The following CFAP54 variants were observed in gnomAD, a reference collection of about 807,000 sequenced individuals.
CFAP54 encodes cilia and flagella associated protein 54.
A neutral mutation model predicts 370.4 loss-of-function variants in CFAP54; 290 were observed. The observed-to-expected ratio is 0.78, with a 90% CI of 0.71 to 0.86. CFAP54 has a LOEUF of 0.86. Ranked by LOEUF, CFAP54 falls within the 40% of genes least tolerant of loss-of-function variation. The probability of loss-of-function intolerance (pLI) is 0.00; values close to 1 mark genes in which losing one functional copy is unlikely to be tolerated. For missense variants in CFAP54, 3,399 were observed against 3,528.7 expected, an observed-to-expected ratio of 0.96 and a Z score of 0.93; for synonymous variants, 1,206 against 1,236.5, an observed-to-expected ratio of 0.98 and a Z score of 0.52.
chr12:96,589,759 T>C (rs1956107664), intron 23 of CFAP54, among the ~76,000 whole-genome samples, 196 bp downstream of exon 23: 1 of 151,970 alleles, frequency 6.6e-6, no homozygotes, highest in Non-Finnish European at 1.5e-5. Context: ...TCTTTCTTTC[T>C]TTTTTTTAAT....
intron 23 of CFAP54, among the ~76,000 whole-genome samples, chr12:96,591,329 A>G (rs890164679): frequency 6.6e-6 from 1 of 152,132 alleles, no homozygotes; most frequent in African/African-American, 2.4e-5. Flanking sequence ...GCCGGAAATC[A>G]TTTTGCAATT....
In CFAP54 at chr12:96,740,779, A is replaced by G. The variant is rs562845505; in HGVS notation, c.7071+718A>G. Among the ~76,000 whole-genome samples, 87 of 152,300 alleles carry G rather than the reference A, an allele frequency of 5.7e-4. No individual in the cohort carries two copies. The Middle Eastern group carries it at 0.01, about 18-fold the overall frequency. On this transcript the variant is annotated intron_variant, in intron 51 of 67. Coordinates refer to ENST00000524981, the MANE Select transcript of CFAP54 (RefSeq NM_001306084.2). ...AATTGACTTAGAATAATGATTGTCA[A>G]TTGGGGGTGATTTTGCCTCCCGGGG...
Position 96,554,199 on chromosome 12 carries a change from G to A in CFAP54, c.2172G>A (p.Gln724=). ...LPILQKNPVE[Q]LLFAYKLLDR... ...TATTTTAGAAAAATCCTGTGGAACA[G>A]TTACTTTTTGCTTATAAACTTCTTG... The change falls in exon 16 of 68, where the codon CAG becomes CAA. Residue 724 remains glutamine (Q), a synonymous_variant. Coordinates refer to ENST00000524981, the MANE Select transcript of CFAP54 (RefSeq NM_001306084.2). 2 of 1,510,134 alleles carry A rather than the reference G, an allele frequency of 1.3e-6. No homozygotes were observed. The highest frequency in any genetic ancestry group is 1.8e-6 in the Non-Finnish European group (2 of 1,136,334). The allele number at this position is 1,510,134 out of a possible 1,614,324, so 93.5% of individuals were successfully genotyped here.
intron 17 of CFAP54, among the ~76,000 whole-genome samples, chr12:96,558,857 C>T (rs1955784433): frequency 6.6e-6 from 1 of 152,110 alleles, no homozygotes; most frequent in African/African-American, 2.4e-5. Context: ...GAACAGGCAA[C>T]CAGAGCAAAA....
Position 96,685,016 on chromosome 12 carries a change from G to T in CFAP54, c.5805-13G>T, listed in dbSNP as rs921448204. 2.5e-6 allele frequency: 4 copies of T among 1,612,376 alleles called. No homozygotes were observed. The highest frequency in any genetic ancestry group is 2.7e-5 in the African/African-American group (2 of 74,870). ...CAGAAAACTTACTGCTTGATGCTTT[G>T]TCTCTGTTTTAGGGCTGCTTTTAAG... On this transcript the variant is annotated splice_polypyrimidine_tract_variant and intron_variant, in intron 41 of 67. Coordinates refer to ENST00000524981, the MANE Select transcript of CFAP54 (RefSeq NM_001306084.2).
At chr12:96,537,038 G>A (rs528835713) in intron 12 of CFAP54, among the ~76,000 whole-genome samples, 29 of 152,068 alleles carry the variant, frequency 1.9e-4, no homozygotes, top group Middle Eastern at 6.8e-3. Context: ...GATATCTGTC[G>A]TATTCCCAAA....
At chr12:96,574,115 T>C (rs1014622744) in intron 19 of CFAP54, among the ~76,000 whole-genome samples, 1 of 152,210 alleles carries the variant, frequency 6.6e-6, no homozygotes, top group Non-Finnish European at 1.5e-5. Context: ...GTTATAGTTT[T>C]ATAATCTCTG....
chr12:96,635,482 G>C (rs1956654270), intron 32 of CFAP54, among the ~76,000 whole-genome samples: 1 of 152,160 alleles, frequency 6.6e-6, no homozygotes, highest in Non-Finnish European at 1.5e-5. Flanking sequence ...CAATTCTCCA[G>C]CACCAGCGGG....
chr12:96,809,181 T>C (rs1436712940), intron 63 of CFAP54, among the ~76,000 whole-genome samples: 2 of 152,180 alleles, frequency 1.3e-5, no homozygotes, highest in South Asian at 4.1e-4. Flanking sequence ...TTTCATCTGT[T>C]GTGCTGGATA....
intron 19 of CFAP54, chr12:96,573,169 G>A (rs1955941151): frequency 2.2e-6 from 1 of 448,810 alleles, no homozygotes; most frequent in Non-Finnish European, 2.9e-6. Flanking sequence ...GGAAGTGGGG[G>A]CATTGGTCTC....
At chr12:96,705,967 C>T (rs1340025931) in intron 47 of CFAP54, among the ~76,000 whole-genome samples, 12 of 151,748 alleles carry the variant, frequency 7.9e-5, no homozygotes, top group Admixed American at 7.9e-4. Flanking sequence ...TTACGTAAGG[C>T]AAATAGTTTC....
At chr12:96,625,473 CTT>C (rs1447587676) in intron 28 of CFAP54, among the ~76,000 whole-genome samples, 1 of 152,118 alleles carries the variant, frequency 6.6e-6, no homozygotes, top group Admixed American at 6.5e-5. Flanking sequence ...CTTGGAAACT[CTT>C]TACCTATTTG....
intron 26 of CFAP54, among the ~76,000 whole-genome samples, chr12:96,615,506 A>T (rs1407668568): frequency 6.6e-6 from 1 of 152,194 alleles, no homozygotes; most frequent in African/African-American, 2.4e-5. Context: ...GCCAAAATTG[A>T]CAAATGGGAT....
intron 65 of CFAP54, among the ~76,000 whole-genome samples, chr12:96,828,051 T>G (rs940936006): frequency 7.8e-6 from 1 of 128,278 alleles, no homozygotes; most frequent in Admixed American, 1.0e-4. Context: ...AATTATATAT[T>G]AATATATTAT....
chr12:96,539,079 T>G (rs1368052751), intron 13 of CFAP54, among the ~76,000 whole-genome samples: 7 of 136,540 alleles, frequency 5.1e-5, no homozygotes, highest in African/African-American at 2.0e-4. Context: ...TTTTTTTTTG[T>G]TTTTGTTTTT....
At chr12:96,871,557 A>G (rs535054174) in intron 67 of CFAP54, among the ~76,000 whole-genome samples, 7 of 152,256 alleles carry the variant, frequency 4.6e-5, no homozygotes, top group African/African-American at 1.7e-4. Context: ...ACAATCTAGG[A>G]AAAAAACAGT....
At position 96,592,570 on chromosome 12, in the gene CFAP54, T is replaced by C; in HGVS notation, c.3293T>C (p.Ile1098Thr). 1 of 1,238,752 alleles carries C rather than the reference T, an allele frequency of 8.1e-7. No homozygotes were observed. The highest frequency in any genetic ancestry group is 1.1e-6 in the Non-Finnish European group (1 of 918,508). The allele number at this position is 1,238,752 out of a possible 1,614,324, so 76.7% of individuals were successfully genotyped here. A position where few individuals can be genotyped will look rare whatever the true frequency, so the allele number is the denominator to read the frequency against. The stretch of plus-strand genomic sequence containing the variant: ...AGAAATATTTTTGTAACAAGTGACA[T>C]CAAAATTAAAGAAGAAAATCTTTTC... ...FLRNIFVTSD[I>T]KIKEENLFCD... Residue 1098 changes from isoleucine (I) to threonine (T), a missense_variant, in exon 24 of 68, where the codon ATC (isoleucine) becomes ACC (threonine). Physicochemically the swap from Ile to Thr is moderately conservative, Grantham distance 89 (BLOSUM62 -1). Transcript: ENST00000524981.
rs1034333272 is a variant in CFAP54 at position 96,554,236 on chromosome 12, G to A, written c.2209G>A (p.Gly737Ser). The A allele has an allele frequency of 1.3e-5, 20 of 1,526,910 alleles. No homozygotes were observed. Among genetic ancestry groups the A allele is most frequent in the African/African-American group, 9.6e-5 (7 of 72,600 alleles). 94.6% of individuals were successfully genotyped at this position (1,526,910 alleles called of 1,614,324 possible). Reference sequence around the variant, plus strand: ...TTATAAACTTCTTGACAGAGCAATCGGTGGAATAAATTTGAATTGCATGTT... The same window carrying A: ...TTATAAACTTCTTGACAGAGCAATCAGTGGAATAAATTTGAATTGCATGTT... ...FAYKLLDRAI[G>S]GINLNCMLTS... The change falls in exon 16 of 68, where the codon GGT (glycine) becomes AGT (serine). Residue 737 changes from glycine to serine, a missense_variant. This residue lies in a region of CFAP54 where 2,796 missense variants were observed against 2,869.7 expected (regional missense o/e 0.97). Coordinates refer to ENST00000524981, the MANE Select transcript of CFAP54 (RefSeq NM_001306084.2).
At chr12:96,709,345 A>G (rs1265175439) in intron 48 of CFAP54, among the ~76,000 whole-genome samples, 1 of 152,202 alleles carries the variant, frequency 6.6e-6, no homozygotes, top group African/African-American at 2.4e-5. Context: ...ATGACATAGT[A>G]TATCTTTCTA....
Sources: gnomAD v4.1 joint callset for allele counts (sites outside exome capture counted in the v4.1 genomes callset) on GRCh38, gnomAD v4.1.1 for gene constraint, gnomAD v4.1.1 regional missense constraint, MANE v1.5 for transcripts, NCBI Gene and HGNC (gene_info 2026-07-23, HGNC 2026-07-21) for gene names.